RANBP17: variants seen among roughly 807,000 people sequenced by gnomAD.
The protein encoded by RANBP17 is RAN binding protein 17, also known as ran-binding protein 17.
RANBP17 carries 158 observed loss-of-function variants against 141.2 expected under a neutral mutation model. The observed-to-expected ratio is 1.12, with a 90% CI of 0.98 to 1.28. The LOEUF is 1.28. RANBP17 is among the 50% of genes most tolerant of loss of function. RANBP17 has a pLI of 0.00. For synonymous variants in RANBP17, 430 were observed against 450.0 expected, an observed-to-expected ratio of 0.96 and a Z score of 0.56; for missense variants, 1,438 against 1,290.7, an observed-to-expected ratio of 1.11 and a Z score of -1.75.
chr5:171,175,236 T>G (rs1399790843), intron 16 of RANBP17, among the ~76,000 whole-genome samples: 3 of 152,196 alleles, frequency 2.0e-5, no homozygotes, highest in Non-Finnish European at 4.4e-5. Flanking sequence ...TCTTCACCAT[T>G]GTGAATAGTG....
At chr5:170,862,089 C>T in intron 1 of RANBP17, 38 bp downstream of exon 1, 2 of 1,438,190 alleles carry the variant, frequency 1.4e-6, no homozygotes, top group Non-Finnish European at 1.8e-6. Context: ...CGCTCCGCCA[C>T]GCTGGGAACC....
At chr5:171,172,602 T>G (rs993906242) in intron 16 of RANBP17, among the ~76,000 whole-genome samples, 1 of 151,786 alleles carries the variant, frequency 6.6e-6, no homozygotes, top group Non-Finnish European at 1.5e-5. Flanking sequence ...GGTTTATAAG[T>G]ACTTCCTAGT....
chr5:171,092,924 A>G (rs541379781), intron 14 of RANBP17, among the ~76,000 whole-genome samples: 3 of 152,312 alleles, frequency 2.0e-5, no homozygotes, highest in South Asian at 4.1e-4. Flanking sequence ...TTTGTGTTGC[A>G]TATTATGGAA....
In RANBP17 at chr5:171,230,766, T is replaced by A. The variant is rs571629484; in HGVS notation, c.2422+8926T>A. On this transcript the variant is annotated intron_variant, in intron 22 of 27. Transcript: ENST00000523189. Reference sequence around the variant, plus strand: ...GACAGAGCAAGACTCTGTTAAAAAATATATATATATATTACAACTTTATCC... The same window carrying A: ...GACAGAGCAAGACTCTGTTAAAAAAAATATATATATATTACAACTTTATCC... 1.8e-4 allele frequency among the ~76,000 whole-genome samples: 27 copies of A among 151,702 alleles called. No homozygotes were observed. In the South Asian group the frequency reaches 2.9e-3, roughly 16 times the overall value.
intron 22 of RANBP17, among the ~76,000 whole-genome samples, chr5:171,222,416 C>T (rs115675239): frequency 6.6e-6 from 1 of 152,166 alleles, no homozygotes; most frequent in African/African-American, 2.4e-5. Flanking sequence ...TCTCTACTCT[C>T]TGAGACCTTT....
At chr5:171,017,504 G>A (rs1780530041) in intron 14 of RANBP17, among the ~76,000 whole-genome samples, 1 of 152,166 alleles carries the variant, frequency 6.6e-6, no homozygotes, top group African/African-American at 2.4e-5. Context: ...CTGATGATCA[G>A]TGATGTTAAG....
At chr5:171,233,108 A>T (rs1262685787) in intron 22 of RANBP17, among the ~76,000 whole-genome samples, 2 of 152,170 alleles carry the variant, frequency 1.3e-5, no homozygotes, top group African/African-American at 4.8e-5. Flanking sequence ...TGGGAGGCTG[A>T]TGCAGGATTG....
intron 14 of RANBP17, among the ~76,000 whole-genome samples, chr5:171,096,294 TC>T (rs1326654570): frequency 6.6e-6 from 1 of 152,188 alleles, no homozygotes; most frequent in Non-Finnish European, 1.5e-5. Flanking sequence ...GACCAAGTAA[TC>T]CTTTAAGGAA....
intron 14 of RANBP17, among the ~76,000 whole-genome samples, chr5:171,134,644 T>C (rs1222520491): frequency 2.0e-5 from 3 of 152,226 alleles, no homozygotes; most frequent in Non-Finnish European, 4.4e-5. Flanking sequence ...TAGGCCAGTG[T>C]AATACTCTTT....
chr5:171,051,382 ACT>A (rs1482914020), intron 14 of RANBP17, among the ~76,000 whole-genome samples: 4 of 152,138 alleles, frequency 2.6e-5, no homozygotes, highest in South Asian at 2.1e-4. Flanking sequence ...TTAAGTAATC[ACT>A]CTCTATTCTT....
chr5:171,094,749 T>A (rs934872021), intron 14 of RANBP17, among the ~76,000 whole-genome samples: 2 of 152,154 alleles, frequency 1.3e-5, no homozygotes, highest in East Asian at 1.9e-4. Context: ...GTATCTGCAG[T>A]TTTCCCAAGA....
chr5:171,007,581 A>G (rs1489583512), intron 14 of RANBP17, among the ~76,000 whole-genome samples: 1 of 152,076 alleles, frequency 6.6e-6, no homozygotes, highest in Admixed American at 6.5e-5. Flanking sequence ...GATTTGGGAC[A>G]AGTTGCATTG....
At chr5:170,985,145 AAATG>A (rs1218960717) in intron 14 of RANBP17, among the ~76,000 whole-genome samples, 1 of 151,804 alleles carries the variant, frequency 6.6e-6, no homozygotes, top group Non-Finnish European at 1.5e-5. Context: ...AGACACACAC[AAATG>A]CACACACAGA....
chr5:171,113,182 C>CT (rs1353998593), intron 14 of RANBP17, among the ~76,000 whole-genome samples: 1 of 152,212 alleles, frequency 6.6e-6, no homozygotes, highest in East Asian at 1.9e-4. Context: ...GAAATAGTCA[C>CT]TGTCACATCA....
At chr5:171,018,596 A>G (rs1466205680) in intron 14 of RANBP17, among the ~76,000 whole-genome samples, 8 of 152,168 alleles carry the variant, frequency 5.3e-5, no homozygotes, top group Non-Finnish European at 7.3e-5. Context: ...TGATTTTTGC[A>G]CATTGATTTT....
At chr5:171,183,265 T>C in intron 17 of RANBP17, 35 bp downstream of exon 17, 1 of 1,585,286 alleles carries the variant, frequency 6.3e-7, no homozygotes, top group Non-Finnish European at 8.7e-7. Flanking sequence ...GAATAACATT[T>C]TACGAATAGT....
At chr5:170,973,566 G>A (rs1046739101) in intron 14 of RANBP17, among the ~76,000 whole-genome samples, 8 of 152,156 alleles carry the variant, frequency 5.3e-5, no homozygotes, top group South Asian at 2.1e-4. Flanking sequence ...ATCAACATTC[G>A]GTTATATAAT....
chr5:171,240,508 G>A (rs1764798992), intron 22 of RANBP17, among the ~76,000 whole-genome samples: 1 of 152,048 alleles, frequency 6.6e-6, no homozygotes, highest in Non-Finnish European at 1.5e-5. Flanking sequence ...TCAAAAATTT[G>A]CCGAGAATTT....
rs116248539 is a variant in RANBP17 at position 170,974,314 on chromosome 5, G to A, written c.1710+5937G>A. On this transcript the variant is annotated intron_variant, in intron 14 of 27. Transcript: ENST00000523189. ...CTTGCCATTCCACAAGGGAGAAACA[G>A]GAATGAAGGAAGAAATGACAGGTCT... Among the ~76,000 whole-genome samples the A allele has an allele frequency of 7.5e-3, 1,149 of 152,308 alleles. 13 individuals are homozygous for A. Among genetic ancestry groups the A allele is most frequent in the African/African-American group, 0.026 (1,088 of 41,566 alleles).
Sources: allele counts gnomAD v4.1 joint callset (sites outside exome capture counted in the v4.1 genomes callset), GRCh38; gene constraint gnomAD v4.1.1; transcripts MANE v1.5; gene names NCBI Gene and HGNC (gene_info 2026-07-23, HGNC 2026-07-21).